The following NETO1 variants were observed in gnomAD, a reference collection of about 807,000 sequenced individuals.
NETO1 encodes neuropilin and tolloid-like protein 1.
A neutral mutation model predicts 61.3 loss-of-function variants in NETO1; 26 were observed. The ratio of observed to expected loss-of-function variants is 0.42; its 90% CI spans 0.31 to 0.59. NETO1 has a LOEUF of 0.59. Ranked by LOEUF, NETO1 falls within the 20% of genes least tolerant of loss-of-function variation. NETO1 has a pLI of 0.12. For missense variants in NETO1, 531 were observed against 662.8 expected (o/e 0.80, Z 2.18); for synonymous variants, 225 against 225.8 (o/e 1.00, Z 0.03).
chr18:72,837,223 G>T (rs1212450469), intron 4 of NETO1, among the ~76,000 whole-genome samples: 1 of 152,050 alleles, frequency 6.6e-6, no homozygotes, highest in African/African-American at 2.4e-5. Context: ...TGGGGATCTG[G>T]GGCAAATGAG....
At chr18:72,863,270 T>G (rs2074633615) in intron 3 of NETO1, among the ~76,000 whole-genome samples, 1 of 152,218 alleles carries the variant, frequency 6.6e-6, no homozygotes, top group Non-Finnish European at 1.5e-5. Flanking sequence ...ATATCATAGC[T>G]CTGAACTTCC....
intron 4 of NETO1, among the ~76,000 whole-genome samples, chr18:72,833,507 C>T (rs867193921): frequency 1.4e-4 from 22 of 152,090 alleles, no homozygotes; most frequent in African/African-American, 4.8e-4. Flanking sequence ...ATGCTTGCAC[C>T]ATAATAATTC....
intron 4 of NETO1, among the ~76,000 whole-genome samples, chr18:72,843,973 T>C (rs2074010747): frequency 6.6e-6 from 1 of 152,244 alleles, no homozygotes; most frequent in African/African-American, 2.4e-5. Context: ...TGCAGTTTTG[T>C]ACTTAGTTCT....
chr18:72,853,778 C>A (rs1461808185), intron 4 of NETO1, among the ~76,000 whole-genome samples: 2 of 150,128 alleles, frequency 1.3e-5, no homozygotes, highest in Non-Finnish European at 3.0e-5. Context: ...AAAAAGTCTT[C>A]TTTTAATCTC....
At chr18:72,780,062 C>T (rs1374365028) in intron 7 of NETO1, among the ~76,000 whole-genome samples, 1 of 152,156 alleles carries the variant, frequency 6.6e-6, no homozygotes, top group Non-Finnish European at 1.5e-5. Flanking sequence ...GCCTCACCTC[C>T]TTATCCCCTC....
chr18:72,773,591 CA>C (rs2071448156), intron 7 of NETO1, among the ~76,000 whole-genome samples: 1 of 152,198 alleles, frequency 6.6e-6, no homozygotes, highest in South Asian at 2.1e-4. Context: ...CAGTTTCCCC[CA>C]TCCTGTTCTC....
At chr18:72,810,579 C>G (rs1276918613) in intron 4 of NETO1, among the ~76,000 whole-genome samples, 2 of 152,210 alleles carry the variant, frequency 1.3e-5, no homozygotes, top group African/African-American at 4.8e-5. Flanking sequence ...TATACCACTT[C>G]TTTCCACTGG....
intron 2 of NETO1, 102 bp downstream of exon 2, chr18:72,865,086 T>C: frequency 2.1e-6 from 3 of 1,397,226 alleles, no homozygotes; most frequent in South Asian, 1.3e-5. Context: ...TTATACATAT[T>C]ATAACAGGTT....
chr18:72,835,287 C>G (rs762370587), intron 4 of NETO1: 76 of 1,589,356 alleles, frequency 4.8e-5, no homozygotes, highest in Non-Finnish European at 6.0e-5. Flanking sequence ...ACGAAACACT[C>G]TGTAGATCCT....
At chr18:72,833,167 C>T (rs1286498720) in intron 4 of NETO1, among the ~76,000 whole-genome samples, 2 of 151,976 alleles carry the variant, frequency 1.3e-5, no homozygotes, top group Non-Finnish European at 2.9e-5. Flanking sequence ...GAAACTTTGA[C>T]GCATCTGTAT....
intron 7 of NETO1, among the ~76,000 whole-genome samples, chr18:72,778,270 C>A (rs2071623916): frequency 6.6e-6 from 1 of 152,160 alleles, no homozygotes; most frequent in Non-Finnish European, 1.5e-5. Flanking sequence ...TGATTTCCAC[C>A]GAGTTGGCCA....
At chr18:72,753,128 C>T (rs2070677692) in intron 8 of NETO1, among the ~76,000 whole-genome samples, 1 of 152,014 alleles carries the variant, frequency 6.6e-6, no homozygotes, top group African/African-American at 2.4e-5. Flanking sequence ...GGAGCTAAAA[C>T]TTCCCAAACT....
chr18:72,818,423 C>T (rs2073091799), intron 4 of NETO1, among the ~76,000 whole-genome samples: 1 of 152,192 alleles, frequency 6.6e-6, no homozygotes, highest in East Asian at 1.9e-4. Context: ...GCACAATGAG[C>T]AGCTGAGGAC....
chr18:72,782,701 G>A (rs1210920961), intron 7 of NETO1, among the ~76,000 whole-genome samples: 1 of 152,108 alleles, frequency 6.6e-6, no homozygotes, highest in Admixed American at 6.5e-5. Flanking sequence ...CTACTCAGGA[G>A]GCCGAGGCAG....
intron 7 of NETO1, among the ~76,000 whole-genome samples, chr18:72,783,161 T>C (rs936084759): frequency 9.9e-5 from 15 of 152,214 alleles, no homozygotes; most frequent in Admixed American, 9.2e-4. Context: ...ATATCACCCA[T>C]TGTGCTGTTT....
intron 8 of NETO1, among the ~76,000 whole-genome samples, chr18:72,754,160 G>C (rs2070712707): frequency 6.6e-6 from 1 of 152,002 alleles, no homozygotes; most frequent in Non-Finnish European, 1.5e-5. Context: ...TATGTTTTAA[G>C]TCCTAAAGCA....
In NETO1 at chr18:72,783,790, G is replaced by A; in HGVS notation, c.756C>T (p.Ser252=). The part of the protein sequence containing the change: ...SVEDLKAKFC[S]TVANDVMLRT... ...GTAGCATGACATCATTAGCCACAGT[G>A]CTACAGAACTTAGCTTTCAAATCCT... is the stretch of plus-strand genomic sequence containing the variant. Residue 252 remains serine, a synonymous_variant, in exon 7 of 11, where the codon AGC becomes AGT. Coordinates refer to ENST00000327305, the MANE Select transcript of NETO1 (RefSeq NM_138966.5). 32 of 1,614,172 alleles carry A rather than the reference G, an allele frequency of 2.0e-5. No individual in the cohort carries two copies. The highest frequency in any genetic ancestry group is 2.7e-5 in the Non-Finnish European group (32 of 1,180,036).
chr18:72,802,113 T>C (rs1430552532), intron 4 of NETO1, among the ~76,000 whole-genome samples: 1 of 152,086 alleles, frequency 6.6e-6, no homozygotes, highest in East Asian at 1.9e-4. Flanking sequence ...TTTTGAATGA[T>C]TTTATTCTGA....
At chr18:72,758,373 CTTTT>C (rs67058074) in intron 7 of NETO1, among the ~76,000 whole-genome samples, 1 of 122,298 alleles carries the variant, frequency 8.2e-6, no homozygotes, top group South Asian at 2.6e-4. Flanking sequence ...GTTTGTGGTG[CTTTT>C]TTTTTCTTTG....
Sources: allele counts gnomAD v4.1 joint callset (sites outside exome capture counted in the v4.1 genomes callset), GRCh38; gene constraint gnomAD v4.1.1; transcripts MANE v1.5; gene names NCBI Gene and HGNC (gene_info 2026-07-23, HGNC 2026-07-21).